ENTHD1: variants seen among roughly 807,000 people sequenced by gnomAD.
ENTHD1 encodes the protein ENTH domain containing 1.
Under a neutral mutation model 39.1 loss-of-function variants are expected in ENTHD1, and 23 were observed. The observed-to-expected ratio is 0.59, with a 90% confidence interval of 0.42 to 0.83. ENTHD1 has a LOEUF of 0.83. Ranked by LOEUF, ENTHD1 falls within the 40% of genes least tolerant of loss-of-function variation. The pLI is 0.00. For missense variants in ENTHD1, 624 were observed against 705.4 expected (o/e 0.88, Z 1.31); for synonymous variants, 230 against 258.2 (o/e 0.89, Z 1.05).
At chr22:39,869,060 G>A (rs1327976917) in intron 2 of ENTHD1, among the ~76,000 whole-genome samples, 3 of 152,150 alleles carry the variant, frequency 2.0e-5, no homozygotes, top group Non-Finnish European at 4.4e-5. Flanking sequence ...AAAACAGTCT[G>A]GAGATTTCTC....
chr22:39,872,076 G>C (rs2066248806), intron 2 of ENTHD1, among the ~76,000 whole-genome samples: 1 of 152,134 alleles, frequency 6.6e-6, no homozygotes. Context: ...AGAGAATTCT[G>C]ACTCTCGATG....
chr22:39,767,650 C>T (rs1212734681), intron 5 of ENTHD1, among the ~76,000 whole-genome samples: 2 of 152,008 alleles, frequency 1.3e-5, no homozygotes. Flanking sequence ...AAAAACAAGA[C>T]AAAAATGTTT....
chr22:39,848,642 G>A (rs1006327694), intron 3 of ENTHD1, among the ~76,000 whole-genome samples: 2 of 152,098 alleles, frequency 1.3e-5, no homozygotes, highest in Non-Finnish European at 2.9e-5. Context: ...CATGGGGGTG[G>A]TAATTCATCA....
rs11914103 is a variant in ENTHD1, at chr22:39,824,357, A to T, written c.712-3244T>A. On this transcript the variant is annotated intron_variant, in intron 4 of 6. Coordinates refer to ENST00000325157, the MANE Select transcript of ENTHD1 (RefSeq NM_152512.4). ...CCCAAGTAGCTGGGATTACAGGCGCATGCCACCACGACCAGGTAATTTTTT... is the reference window on the plus strand; with the variant it reads ...CCCAAGTAGCTGGGATTACAGGCGCTTGCCACCACGACCAGGTAATTTTTT... Among the ~76,000 whole-genome samples the T allele has an allele frequency of 3.1e-3, 463 of 151,606 alleles. 4 individuals are homozygous for T. Among genetic ancestry groups the T allele is most frequent in the African/African-American group, 0.011 (446 of 41,292 alleles).
intron 4 of ENTHD1, among the ~76,000 whole-genome samples, chr22:39,831,134 G>A (rs1201866374): frequency 6.6e-6 from 1 of 152,170 alleles, no homozygotes; most frequent in Non-Finnish European, 1.5e-5. Flanking sequence ...CAGGTATTAG[G>A]ATCCCCACTT....
chr22:39,832,561 C>A (rs1256465035), intron 4 of ENTHD1, among the ~76,000 whole-genome samples: 1 of 152,072 alleles, frequency 6.6e-6, no homozygotes, highest in African/African-American at 2.4e-5. Flanking sequence ...GAGCTATATG[C>A]TAAAATTAAA....
intron 2 of ENTHD1, chr22:39,875,434 C>T (rs925156834): frequency 4.0e-6 from 6 of 1,512,514 alleles, no homozygotes; most frequent in African/African-American, 1.4e-5. Flanking sequence ...TGAAGCGGCC[C>T]TTCCTCAGCC....
intron 4 of ENTHD1, among the ~76,000 whole-genome samples, chr22:39,826,876 C>CT (rs1048901492): frequency 4.0e-5 from 6 of 151,224 alleles, no homozygotes; most frequent in African/African-American, 1.5e-4. Context: ...ATCAGAGTGA[C>CT]TTTTTTTAAA....
At chr22:39,787,807 A>C (rs1441540320) in intron 5 of ENTHD1, among the ~76,000 whole-genome samples, 1 of 152,258 alleles carries the variant, frequency 6.6e-6, no homozygotes, top group Non-Finnish European at 1.5e-5. Flanking sequence ...GTGCTGATAC[A>C]GAAACTATAG....
intron 4 of ENTHD1, among the ~76,000 whole-genome samples, chr22:39,826,873 TGAC>T (rs2065830442): frequency 1.4e-5 from 2 of 145,764 alleles, no homozygotes; most frequent in South Asian, 4.4e-4. Flanking sequence ...AAGATCAGAG[TGAC>T]TTTTTTTAAA....
chr22:39,874,090 C>T (rs981135362), intron 2 of ENTHD1, among the ~76,000 whole-genome samples: 1 of 152,092 alleles, frequency 6.6e-6, no homozygotes, highest in Non-Finnish European at 1.5e-5. Context: ...GAAACTCCCC[C>T]TTATAAAACC....
chr22:39,852,006 G>A (rs1333877381), intron 3 of ENTHD1, among the ~76,000 whole-genome samples: 1 of 151,948 alleles, frequency 6.6e-6, no homozygotes, highest in East Asian at 1.9e-4. Flanking sequence ...TTTCTCTCTA[G>A]CTATCCATCT....
chr22:39,805,863 T>C (rs954330434), intron 5 of ENTHD1, among the ~76,000 whole-genome samples: 3 of 152,212 alleles, frequency 2.0e-5, no homozygotes, highest in African/African-American at 7.2e-5. Context: ...CTTGAGGTCA[T>C]GGCTTGAAAA....
chr22:39,853,345 A>G (rs1447009859), intron 3 of ENTHD1, among the ~76,000 whole-genome samples: 1 of 152,088 alleles, frequency 6.6e-6, no homozygotes, highest in Non-Finnish European at 1.5e-5. Context: ...AGCCTGGCCA[A>G]TATGGTGAAA....
chr22:39,840,153 A>G (rs945821946), intron 3 of ENTHD1, among the ~76,000 whole-genome samples: 5 of 152,188 alleles, frequency 3.3e-5, no homozygotes, highest in African/African-American at 1.2e-4. Flanking sequence ...TTGGTCTTGT[A>G]AGCTACTTAT....
chr22:39,770,740 G>A (rs967904726), intron 5 of ENTHD1, among the ~76,000 whole-genome samples: 2 of 152,162 alleles, frequency 1.3e-5, no homozygotes, highest in African/African-American at 4.8e-5. Flanking sequence ...ACATGTTTTA[G>A]TTTGGATACC....
At chr22:39,890,531 AT>A (rs902440228) in intron 1 of ENTHD1, among the ~76,000 whole-genome samples, 1 of 151,696 alleles carries the variant, frequency 6.6e-6, no homozygotes, top group African/African-American at 2.4e-5. Flanking sequence ...ACAAATGTTA[AT>A]TTTTTTTTCT....
In ENTHD1 at chr22:39,827,421, C is replaced by A. The variant is rs373863219; in HGVS notation, c.712-6308G>T. Among the ~76,000 whole-genome samples the A allele has an allele frequency of 1.6e-4, 24 of 151,938 alleles. 1 individual carries two copies. The highest frequency in any genetic ancestry group is 1.2e-3 in the East Asian group (6 of 5,174). ...AAAGTCATAAATAAAAATTTTAAAT[C>A]AAATGGAAAATAGATAAAGAACCAG... On this transcript the variant is annotated intron_variant, in intron 4 of 6. Coordinates refer to ENST00000325157, the MANE Select transcript of ENTHD1 (RefSeq NM_152512.4).
At chr22:39,757,725 T>TTG (rs1432618645) in intron 6 of ENTHD1, among the ~76,000 whole-genome samples, 1 of 152,016 alleles carries the variant, frequency 6.6e-6, no homozygotes, top group East Asian at 1.9e-4. Flanking sequence ...TCTCCCTATG[T>TTG]TGTTGATATG....
Sources: gnomAD v4.1 joint callset for allele counts (sites outside exome capture counted in the v4.1 genomes callset) on GRCh38, gnomAD v4.1.1 for gene constraint, MANE v1.5 for transcripts, NCBI Gene and HGNC (gene_info 2026-07-23, HGNC 2026-07-21) for gene names.